The following EXT2 variants were observed in gnomAD, a reference collection of about 807,000 sequenced individuals.
The protein encoded by EXT2 is exostosin glycosyltransferase 2, also known as exostosin-2.
EXT2 carries 53 observed loss-of-function variants against 81.6 expected under a neutral mutation model. The ratio of observed to expected loss-of-function variants is 0.65; its 90% CI spans 0.52 to 0.82. The LOEUF (loss-of-function observed/expected upper bound fraction) is 0.82. Ranked by LOEUF, EXT2 falls within the 40% of genes least tolerant of loss-of-function variation. EXT2 has a pLI of 0.00. For synonymous variants in EXT2, 320 were observed against 340.0 expected (o/e 0.94, Z 0.65); for missense variants, 774 against 910.2 (o/e 0.85, Z 1.93).
intron 8 of EXT2, among the ~76,000 whole-genome samples, chr11:44,186,842 A>G (rs140265502): frequency 5.6e-4 from 85 of 152,314 alleles, no homozygotes; most frequent in African/African-American, 2.0e-3. Flanking sequence ...CTTCAGAAGA[A>G]TAGTGTAACA....
intron 10 of EXT2, among the ~76,000 whole-genome samples, chr11:44,223,588 A>G (rs1211124029): frequency 6.6e-6 from 1 of 152,004 alleles, no homozygotes; most frequent in African/African-American, 2.4e-5. Context: ...ACAAAATTAT[A>G]GAAATGGAGG....
At chr11:44,208,581 C>T (rs978164096) in intron 10 of EXT2, among the ~76,000 whole-genome samples, 17 of 152,184 alleles carry the variant, frequency 1.1e-4, no homozygotes, top group African/African-American at 3.6e-4. Context: ...AATCAGGAAG[C>T]TTTCTTATCT....
chr11:44,229,698 C>CA (rs1955876733), intron 10 of EXT2, among the ~76,000 whole-genome samples: 1 of 152,198 alleles, frequency 6.6e-6, no homozygotes, highest in South Asian at 2.1e-4. Flanking sequence ...GAATGGATAT[C>CA]ACGTTATTAT....
chr11:44,104,564 T>C (rs1367365043), intron 1 of EXT2: 2 of 152,222 alleles, frequency 1.3e-5, no homozygotes, highest in African/African-American at 2.4e-5. Context: ...CAGCCTCCAG[T>C]GGTGGGGCCA....
At chr11:44,170,166 CGCAGTCAAAGT>C (rs1039369795) in intron 7 of EXT2, among the ~76,000 whole-genome samples, 6 of 151,758 alleles carry the variant, frequency 4.0e-5, no homozygotes, top group Non-Finnish European at 7.4e-5. Flanking sequence ...CTGACCACAG[CGCAGTCAAAGT>C]GCAGTCAAAG....
At chr11:44,118,966 A>G (rs1485069184) in intron 4 of EXT2, among the ~76,000 whole-genome samples, 1 of 150,740 alleles carries the variant, frequency 6.6e-6, no homozygotes, top group Non-Finnish European at 1.5e-5. Flanking sequence ...TTTCCTCCTA[A>G]AGTTGTTCTG....
chr11:44,132,152 C>T (rs1954502609), intron 7 of EXT2, among the ~76,000 whole-genome samples: 1 of 152,152 alleles, frequency 6.6e-6, no homozygotes, highest in Non-Finnish European at 1.5e-5. Flanking sequence ...TAAGAAAAAA[C>T]TGGGGAGGTT....
intron 7 of EXT2, among the ~76,000 whole-genome samples, chr11:44,168,126 C>A (rs993667405): frequency 2.6e-5 from 4 of 151,822 alleles, no homozygotes; most frequent in African/African-American, 9.7e-5. Flanking sequence ...CCAGTTTCAA[C>A]AAAGATATGA....
chr11:44,098,064 A>C (rs1415577081), intron 1 of EXT2, among the ~76,000 whole-genome samples: 1 of 152,176 alleles, frequency 6.6e-6, no homozygotes, highest in Non-Finnish European at 1.5e-5. Context: ...TAAAGTTTGT[A>C]GGGCTGAAAT....
At position 44,246,155 on chromosome 11, in the gene EXT2, A is replaced by T. The variant is rs1956091914; in HGVS notation, c.*1868A>T. 6.6e-6 allele frequency among the ~76,000 whole-genome samples: 1 copy of T among 152,042 alleles called. No homozygotes were observed. The highest frequency in any genetic ancestry group is 2.4e-5 in the African/African-American group (1 of 41,390). On this transcript the variant is annotated 3_prime_UTR_variant, in exon 14 of 14. Transcript: ENST00000533608. The stretch of plus-strand genomic sequence containing the variant: ...CCAGAGGCTGACAAGCACAGTGAGG[A>T]CCTCTAATCTTTCTAGGGGTTTTCT...
intron 13 of EXT2, among the ~76,000 whole-genome samples, chr11:44,243,910 G>A (rs539679081): frequency 2.6e-5 from 4 of 152,140 alleles, no homozygotes; most frequent in Non-Finnish European, 4.4e-5. Flanking sequence ...TCCTGTTCAC[G>A]TTCTCCCACT....
chr11:44,223,400 A>G (rs963206651), intron 10 of EXT2, among the ~76,000 whole-genome samples: 1 of 152,208 alleles, frequency 6.6e-6, no homozygotes, highest in African/African-American at 2.4e-5. Flanking sequence ...CAGTGGATAA[A>G]TGGTTAAGCA....
At chr11:44,163,294 T>C (rs1160602052) in intron 7 of EXT2, among the ~76,000 whole-genome samples, 1 of 152,216 alleles carries the variant, frequency 6.6e-6, no homozygotes, top group African/African-American at 2.4e-5. Flanking sequence ...AATTCTAAAC[T>C]AAAAGTAAGG....
At chr11:44,124,707 A>AT (rs35383965) in intron 4 of EXT2, 82 bp from the exon 5 acceptor site, 1 of 1,181,488 alleles carries the variant, frequency 8.5e-7, no homozygotes, top group African/African-American at 1.5e-5. Flanking sequence ...ACTTACTGTC[A>AT]TAAGTTTAAT....
intron 1 of EXT2, chr11:44,096,100 C>A: frequency 1.3e-6 from 1 of 743,212 alleles, no homozygotes; most frequent in Middle Eastern, 2.6e-4. Flanking sequence ...GCGCTTTCAG[C>A]ATCTTGGTAC....
rs1373584086 is a variant in EXT2, at chr11:44,209,616, A to G, written c.1662+2657A>G. 2.0e-5 allele frequency among the ~76,000 whole-genome samples: 3 copies of G among 152,154 alleles called. No homozygotes were observed. The East Asian group carries it at 5.8e-4, about 29-fold the overall frequency. On this transcript the variant is annotated intron_variant, in intron 10 of 13. Coordinates refer to ENST00000533608, the MANE Select transcript of EXT2 (RefSeq NM_207122.2). ...TGATTAAGGGAATAAATAAGTAAAT[A>G]TTTGCATCCTAGGGGAGTTATATTG...
At position 44,236,292 on chromosome 11, in the gene EXT2, G is replaced by A. The variant is rs1207859844; in HGVS notation, c.1936-1G>A. 1.2e-6 allele frequency: 2 copies of A among 1,614,056 alleles called. No individual in the cohort carries two copies. Among genetic ancestry groups the A allele is most frequent in the Non-Finnish European group, 1.7e-6 (2 of 1,179,974 alleles). ...GGTATGTTTTTGTCCTCCTCTGGCAGGTAACCCCACGAAAGAAATTCAAGT... is the reference window on the plus strand; with the variant it reads ...GGTATGTTTTTGTCCTCCTCTGGCAAGTAACCCCACGAAAGAAATTCAAGT... On this transcript the variant is annotated splice_acceptor_variant, in intron 12 of 13. Coordinates refer to ENST00000533608, the MANE Select transcript of EXT2 (RefSeq NM_207122.2). LOFTEE classifies it high-confidence loss of function.
Position 44,171,512 on chromosome 11 carries a change from T to A in EXT2, c.1174-99T>A, listed in dbSNP as rs570525411. ...ACCCCCATCCCTACAACTTTGGGAATAAAGGAATTAGCCTAACCTGGAGTT... is the reference window on the plus strand; with the variant it reads ...ACCCCCATCCCTACAACTTTGGGAAAAAAGGAATTAGCCTAACCTGGAGTT... On this transcript the variant is annotated intron_variant, in intron 7 of 13. Coordinates refer to ENST00000533608, the MANE Select transcript of EXT2 (RefSeq NM_207122.2). The A allele has an allele frequency of 2.5e-6, 4 of 1,584,704 alleles. No individual in the cohort carries two copies. In the African/African-American group the frequency reaches 4.0e-5, roughly 16 times the overall value.
intron 4 of EXT2, chr11:44,116,272 A>G (rs988601013): frequency 2.6e-5 from 4 of 152,186 alleles, no homozygotes; most frequent in African/African-American, 2.4e-5. Context: ...TGTACAATAA[A>G]TGGTCTTTTG....
Sources: gnomAD v4.1 joint callset for allele counts (sites outside exome capture counted in the v4.1 genomes callset) on GRCh38, gnomAD v4.1.1 for gene constraint, MANE v1.5 for transcripts, NCBI Gene and HGNC (gene_info 2026-07-23, HGNC 2026-07-21) for gene names.